Variants in LNPEP observed in about 807,000 individuals in gnomAD.
LNPEP encodes leucyl and cystinyl aminopeptidase.
Under a neutral mutation model 120.6 loss-of-function variants are expected in LNPEP, and 64 were observed. The observed-to-expected ratio is 0.53, with a 90% CI of 0.43 to 0.65. The LOEUF (loss-of-function observed/expected upper bound fraction) is 0.65. Among genes scored for constraint, LNPEP ranks in the 30% least tolerant of loss-of-function variants. The pLI, the probability that LNPEP is intolerant of heterozygous loss-of-function variation, is 0.00. For synonymous variants in LNPEP, 435 were observed against 425.4 expected (o/e 1.02, Z -0.28); for missense variants, 1,057 against 1,200.0 (o/e 0.88, Z 1.76).
At chr5:96,960,707 G>T (rs1789581171) in intron 1 of LNPEP, among the ~76,000 whole-genome samples, 2 of 152,070 alleles carry the variant, frequency 1.3e-5, no homozygotes, top group South Asian at 4.1e-4. Flanking sequence ...AAAATTAGTA[G>T]TTTTATCACC....
chr5:96,969,368 A>G (rs1476921131), intron 1 of LNPEP, among the ~76,000 whole-genome samples: 1 of 151,922 alleles, frequency 6.6e-6, no homozygotes, highest in Non-Finnish European at 1.5e-5. Flanking sequence ...TTTTTACTTG[A>G]AAGGAGAGGG....
intron 4 of LNPEP, among the ~76,000 whole-genome samples, chr5:96,992,784 C>CGGGGGGGG (rs1790423000): frequency 7.8e-5 from 1 of 12,876 alleles, no homozygotes; most frequent in Admixed American, 9.7e-4. Context: ...AAAAGCGGGG[C>CGGGGGGGG]GGGGGTGGGG....
intron 1 of LNPEP, among the ~76,000 whole-genome samples, chr5:96,975,994 G>A (rs988901303): frequency 6.6e-6 from 1 of 152,118 alleles, no homozygotes; most frequent in Non-Finnish European, 1.5e-5. Flanking sequence ...TCTATATGTG[G>A]ATTTAAGAGG....
chr5:96,990,842 A>G (rs985408858), intron 4 of LNPEP, among the ~76,000 whole-genome samples: 3 of 152,214 alleles, frequency 2.0e-5, no homozygotes, highest in African/African-American at 7.2e-5. Context: ...TATGTTCTAT[A>G]GACTGAAGCC....
intron 8 of LNPEP, 130 bp from the exon 9 acceptor site, chr5:97,003,285 T>A: frequency 1.8e-6 from 1 of 560,652 alleles, no homozygotes; most frequent in South Asian, 2.3e-5. Flanking sequence ...AGTAGCAGTA[T>A]ATTATAACTA....
intron 1 of LNPEP, among the ~76,000 whole-genome samples, chr5:96,954,032 A>G (rs1252989981): frequency 1.3e-5 from 2 of 152,224 alleles, no homozygotes; most frequent in East Asian, 3.8e-4. Context: ...CTCTGTATTA[A>G]TCTGTCCACA....
intron 11 of LNPEP, among the ~76,000 whole-genome samples, chr5:97,013,226 C>A (rs531482039): frequency 1.3e-5 from 2 of 152,288 alleles, no homozygotes; most frequent in Admixed American, 1.3e-4. Context: ...AGAAGAATGA[C>A]AACTTAGATG....
At chr5:96,974,998 A>C (rs1789955054) in intron 1 of LNPEP, among the ~76,000 whole-genome samples, 2 of 152,138 alleles carry the variant, frequency 1.3e-5, no homozygotes, top group Admixed American at 1.3e-4. Context: ...ATATCTGCAC[A>C]GGTGATTCGG....
intron 6 of LNPEP, among the ~76,000 whole-genome samples, chr5:96,994,495 A>G (rs1561445455): frequency 6.6e-6 from 1 of 150,844 alleles, no homozygotes; most frequent in South Asian, 2.1e-4. Flanking sequence ...TCCTGCCGGA[A>G]TGGGGTTCTC....
intron 1 of LNPEP, among the ~76,000 whole-genome samples, chr5:96,978,767 G>A (rs987219941): frequency 6.6e-6 from 1 of 152,170 alleles, no homozygotes; most frequent in Non-Finnish European, 1.5e-5. Context: ...GCCTGGTGGG[G>A]ACAGACATAG....
At chr5:97,021,571 A>G (rs1791197621) in intron 13 of LNPEP, among the ~76,000 whole-genome samples, 2 of 152,192 alleles carry the variant, frequency 1.3e-5, no homozygotes, top group African/African-American at 2.4e-5. Flanking sequence ...TTATAGGTTT[A>G]TAGATTGTAA....
At position 97,028,387 on chromosome 5, in the gene LNPEP, G is replaced by C. The variant is rs1248744990; in HGVS notation, c.2947-15G>C. The C allele has an allele frequency of 6.2e-7, 1 of 1,612,996 alleles. No homozygotes were observed. Among genetic ancestry groups the C allele is most frequent in the South Asian group, 1.1e-5 (1 of 91,048 alleles). On this transcript the variant is annotated splice_polypyrimidine_tract_variant and intron_variant, in intron 17 of 17. Transcript: ENST00000231368. ...CCTTTTCTTCTTTTGAAATTCTTCT[G>C]TGTGAAACTTACAGGTTCAGGCATT...
At chr5:96,945,216 G>A (rs889480495) in intron 1 of LNPEP, among the ~76,000 whole-genome samples, 1 of 150,818 alleles carries the variant, frequency 6.6e-6, no homozygotes, top group African/African-American at 2.4e-5. Flanking sequence ...GGGCAACATA[G>A]TGAGAGCCTG....
intron 1 of LNPEP, among the ~76,000 whole-genome samples, chr5:96,976,697 C>T (rs1790004845): frequency 6.6e-6 from 1 of 151,970 alleles, no homozygotes; most frequent in African/African-American, 2.4e-5. Context: ...AGAGCATAAT[C>T]TTCCCATGTG....
chr5:96,938,595 C>T (rs1407133622), intron 1 of LNPEP, among the ~76,000 whole-genome samples: 1 of 152,108 alleles, frequency 6.6e-6, no homozygotes, highest in Non-Finnish European at 1.5e-5. Context: ...GTTTTCTGTC[C>T]AAAGTTGCCA....
intron 11 of LNPEP, among the ~76,000 whole-genome samples, chr5:97,007,051 T>C (rs894534366): frequency 6.6e-6 from 1 of 152,164 alleles, no homozygotes; most frequent in African/African-American, 2.4e-5. Flanking sequence ...ACGTGGTGTA[T>C]GCTGACCTAC....
In LNPEP at chr5:96,979,142, G is replaced by C. The variant is rs748638967; in HGVS notation, c.24G>C (p.Arg8=). ...TCTTATGTTTTGGTTTTTTAGATCGGCTTCAGCTCCCCAGGAATATGATTG... is the reference window on the plus strand; with the variant it reads ...TCTTATGTTTTGGTTTTTTAGATCGCCTTCAGCTCCCCAGGAATATGATTG... MEPFTND[R]LQLPRNMIEN... Residue 8 remains arginine, a synonymous_variant, in exon 2 of 18, where the codon CGG becomes CGC. Coordinates refer to ENST00000231368, the MANE Select transcript of LNPEP (RefSeq NM_005575.3). The C allele has an allele frequency of 6.3e-7, 1 of 1,594,566 alleles. No homozygotes were observed. The highest frequency in any genetic ancestry group is 8.5e-7 in the Non-Finnish European group (1 of 1,170,830).
intron 1 of LNPEP, among the ~76,000 whole-genome samples, chr5:96,948,856 TG>T (rs1197003270): frequency 9.2e-5 from 14 of 152,238 alleles, no homozygotes; most frequent in Non-Finnish European, 1.8e-4. Flanking sequence ...TGTTGACTAC[TG>T]TATAGTATAG....
rs141882332 is a variant in LNPEP, at chr5:96,957,346, T to A, written c.19+21172T>A. 3.1e-3 allele frequency among the ~76,000 whole-genome samples: 469 copies of A among 152,352 alleles called. 6 individuals carry two copies. The highest frequency in any genetic ancestry group is 0.022 in the Admixed American group (334 of 15,310). On this transcript the variant is annotated intron_variant, in intron 1 of 17. Transcript: ENST00000231368. ...CAATGTTAGTTTAGTTCTCCTAGCC[T>A]TTGTATGGTAGGCAGAATAATGGTC... is the stretch of plus-strand genomic sequence containing the variant.
Sources: allele counts gnomAD v4.1 joint callset (sites outside exome capture counted in the v4.1 genomes callset), GRCh38; gene constraint gnomAD v4.1.1; transcripts MANE v1.5; gene names NCBI Gene and HGNC (gene_info 2026-07-23, HGNC 2026-07-21).